Variants in TMTC1 observed in about 807,000 individuals in gnomAD.
TMTC1 encodes the protein transmembrane O-mannosyltransferase targeting cadherins 1, also known as protein O-mannosyl-transferase TMTC1.
A neutral mutation model predicts 104.8 loss-of-function variants in TMTC1; 73 were observed. The ratio of observed to expected loss-of-function variants is 0.70; its 90% CI spans 0.58 to 0.85. The LOEUF is 0.85. Among genes scored for constraint, TMTC1 ranks in the 40% least tolerant of loss-of-function variants. The pLI, the probability that TMTC1 is intolerant of heterozygous loss-of-function variation, is 0.00. For synonymous variants in TMTC1, 434 were observed against 428.7 expected (o/e 1.01, Z -0.15); for missense variants, 1,035 against 1,096.1 (o/e 0.94, Z 0.79).
chr12:29,540,011 C>T (rs1394638037), intron 10 of TMTC1, among the ~76,000 whole-genome samples: 7 of 152,240 alleles, frequency 4.6e-5, no homozygotes, highest in Admixed American at 3.9e-4. Context: ...CTTAAGAAAA[C>T]GAAGAACATA....
chr12:29,617,841 A>G (rs1480410096), intron 6 of TMTC1, among the ~76,000 whole-genome samples: 1 of 152,148 alleles, frequency 6.6e-6, no homozygotes, highest in African/African-American at 2.4e-5. Context: ...CACATGTAGA[A>G]CCTGTCAGGC....
intron 5 of TMTC1, among the ~76,000 whole-genome samples, chr12:29,641,420 CTG>C (rs1297209376): frequency 1.3e-5 from 2 of 152,198 alleles, no homozygotes; most frequent in East Asian, 1.9e-4. Context: ...TCACAGGACT[CTG>C]TAGACAACCC....
intron 12 of TMTC1, among the ~76,000 whole-genome samples, chr12:29,519,027 G>T (rs529035961): frequency 5.9e-5 from 9 of 152,026 alleles, no homozygotes; most frequent in Non-Finnish European, 1.2e-4. Context: ...ATTTCTAAGG[G>T]TCTGTCTCAA....
intron 14 of TMTC1, among the ~76,000 whole-genome samples, chr12:29,517,135 A>G (rs1296614839): frequency 6.6e-6 from 1 of 152,210 alleles, no homozygotes; most frequent in South Asian, 2.1e-4. Flanking sequence ...TACACAATGG[A>G]GTGATAAATG....
chr12:29,751,603 A>AG, intron 5 of TMTC1, 63 bp downstream of exon 5: 2 of 1,562,640 alleles, frequency 1.3e-6, no homozygotes, highest in Non-Finnish European at 8.8e-7. Context: ...CAGGCATCCC[A>AG]GGCTGCACTA....
intron 5 of TMTC1, among the ~76,000 whole-genome samples, chr12:29,646,261 A>G (rs553080056): frequency 6.6e-6 from 1 of 152,262 alleles, no homozygotes; most frequent in South Asian, 2.1e-4. Context: ...ATCTCCTCTA[A>G]CGACACATCA....
rs377719696 is a variant in TMTC1 at position 29,713,881 on chromosome 12, A to T, written c.938+37785T>A. 2.0e-3 allele frequency among the ~76,000 whole-genome samples: 307 copies of T among 152,062 alleles called. 1 individual carries two copies. The highest frequency in any genetic ancestry group is 7.1e-3 in the African/African-American group (293 of 41,466). The stretch of plus-strand genomic sequence containing the variant: ...ACCGTGTAGAGAGGTGAGGTGTAAC[A>T]AGAGATGTGTTGGTCATGAGGGTGG... On this transcript the variant is annotated intron_variant, in intron 5 of 17. Transcript: ENST00000539277.
At chr12:29,508,731 A>G (rs996977808) in intron 17 of TMTC1, among the ~76,000 whole-genome samples, 13 of 151,910 alleles carry the variant, frequency 8.6e-5, no homozygotes, top group Admixed American at 1.3e-4. Flanking sequence ...GCACCACAAC[A>G]TGCCCGGCTA....
Position 29,587,196 on chromosome 12 carries a change from C to G in TMTC1, c.1251-3622G>C, listed in dbSNP as rs527962180. On this transcript the variant is annotated intron_variant, in intron 7 of 17. Coordinates refer to ENST00000539277, the MANE Select transcript of TMTC1 (RefSeq NM_001193451.2). ...TAAGTGTCGAGGAATTTATCCATTT[C>G]TTCTAGATTTTCTAATTTACTTGCG... Among the ~76,000 whole-genome samples, 8 of 152,272 alleles carry G rather than the reference C, an allele frequency of 5.3e-5. No homozygotes were observed. In the East Asian group the frequency reaches 1.5e-3, roughly 29 times the overall value.
intron 14 of TMTC1, among the ~76,000 whole-genome samples, chr12:29,516,793 A>C (rs542624298): frequency 2.8e-4 from 43 of 152,328 alleles, no homozygotes; most frequent in Non-Finnish European, 5.4e-4. Context: ...CTCTGATTTC[A>C]TCAGAACAGT....
chr12:29,760,727 G>A (rs1353412211), intron 2 of TMTC1, among the ~76,000 whole-genome samples: 3 of 151,362 alleles, frequency 2.0e-5, no homozygotes, highest in East Asian at 3.9e-4. Context: ...TATATATTAC[G>A]CTAACAAATT....
At chr12:29,570,798 C>T (rs1013616521) in intron 9 of TMTC1, among the ~76,000 whole-genome samples, 7 of 150,370 alleles carry the variant, frequency 4.7e-5, no homozygotes, top group African/African-American at 1.5e-4. Flanking sequence ...GAACCAAGAT[C>T]GTGCCACTGC....
intron 5 of TMTC1, among the ~76,000 whole-genome samples, chr12:29,718,721 G>A (rs372371672): frequency 2.0e-5 from 3 of 151,952 alleles, no homozygotes; most frequent in East Asian, 1.9e-4. Context: ...ATCATGAGGT[G>A]AGGAGATCGA....
At chr12:29,749,608 C>T (rs1565812086) in intron 5 of TMTC1, among the ~76,000 whole-genome samples, 2 of 152,134 alleles carry the variant, frequency 1.3e-5, no homozygotes, top group African/African-American at 4.8e-5. Context: ...CTCCATGGCC[C>T]TCAACAAAAA....
chr12:29,706,834 G>T (rs1941759204), intron 5 of TMTC1, among the ~76,000 whole-genome samples: 2 of 152,142 alleles, frequency 1.3e-5, no homozygotes, highest in Admixed American at 1.3e-4. Flanking sequence ...TGTTGGGGGT[G>T]ATGAAGGATT....
chr12:29,610,731 C>T (rs749712714), intron 6 of TMTC1, among the ~76,000 whole-genome samples: 4 of 152,200 alleles, frequency 2.6e-5, no homozygotes, highest in Non-Finnish European at 5.9e-5. Context: ...ATGAGCACAA[C>T]CCACATCTCA....
intron 5 of TMTC1, among the ~76,000 whole-genome samples, chr12:29,680,695 T>C (rs566387864): frequency 4.7e-4 from 72 of 152,272 alleles, no homozygotes; most frequent in Non-Finnish European, 8.8e-4. Context: ...ATTCTTGTAA[T>C]TGGGTATGTC....
intron 6 of TMTC1, among the ~76,000 whole-genome samples, chr12:29,619,344 T>A (rs1368476538): frequency 2.6e-5 from 4 of 152,210 alleles, no homozygotes; most frequent in Admixed American, 2.6e-4. Flanking sequence ...CAGGTACAAC[T>A]GAATGGTATA....
intron 5 of TMTC1, among the ~76,000 whole-genome samples, chr12:29,639,099 T>G (rs914928703): frequency 6.6e-5 from 10 of 152,198 alleles, no homozygotes; most frequent in African/African-American, 2.2e-4. Flanking sequence ...CATTGAATAA[T>G]TATCCCGTAC....
Sources: allele counts gnomAD v4.1 joint callset (sites outside exome capture counted in the v4.1 genomes callset), GRCh38; gene constraint gnomAD v4.1.1; transcripts MANE v1.5; gene names NCBI Gene and HGNC (gene_info 2026-07-23, HGNC 2026-07-21).